Variants in CSMD1 observed in about 807,000 individuals in gnomAD.
The protein encoded by CSMD1 is CUB and Sushi multiple domains 1.
Under a neutral mutation model 417.5 loss-of-function variants are expected in CSMD1, and 213 were observed. The ratio of observed to expected loss-of-function variants is 0.51; its 90% CI spans 0.46 to 0.57. CSMD1 has a LOEUF of 0.57. CSMD1 is among the 20% of genes least tolerant of loss of function. The pLI is 0.00. For synonymous variants in CSMD1, 2,862 were observed against 1,736.8 expected, an observed-to-expected ratio of 1.65 and a Z score of -16.11; for missense variants, 6,923 against 4,529.7, an observed-to-expected ratio of 1.53 and a Z score of -15.17.
At chr8:4,094,452 A>C (rs181550052) in intron 3 of CSMD1, among the ~76,000 whole-genome samples, 1 of 152,244 alleles carries the variant, frequency 6.6e-6, no homozygotes, top group Admixed American at 6.5e-5. Context: ...GAAGTGAGGT[A>C]GAGGGAGGAA....
At chr8:4,188,689 A>G (rs898900404) in intron 3 of CSMD1, among the ~76,000 whole-genome samples, 1 of 152,172 alleles carries the variant, frequency 6.6e-6, no homozygotes, top group Admixed American at 6.5e-5. Context: ...TAACCTTTAT[A>G]AAAAAGAGGA....
At chr8:4,778,960 T>C (rs1797012135) in intron 1 of CSMD1, among the ~76,000 whole-genome samples, 1 of 152,212 alleles carries the variant, frequency 6.6e-6, no homozygotes, top group Non-Finnish European at 1.5e-5. Context: ...GCCATAATGT[T>C]AAGAATGTTT....
intron 5 of CSMD1, among the ~76,000 whole-genome samples, chr8:3,967,976 G>C (rs1446192553): frequency 1.4e-5 from 2 of 145,512 alleles, no homozygotes; most frequent in African/African-American, 2.6e-5. Flanking sequence ...GACCATCCTG[G>C]CCAACACGGT....
At chr8:3,386,712 T>C (rs182574935) in intron 18 of CSMD1, among the ~76,000 whole-genome samples, 1 of 152,330 alleles carries the variant, frequency 6.6e-6, no homozygotes, top group African/African-American at 2.4e-5. Flanking sequence ...GGAACACTGT[T>C]TTCCATAGAA....
intron 8 of CSMD1, among the ~76,000 whole-genome samples, chr8:3,611,772 A>G (rs1254459178): frequency 6.6e-6 from 1 of 152,136 alleles, no homozygotes; most frequent in African/African-American, 2.4e-5. Flanking sequence ...GAAAGAACTC[A>G]TAACTCGATG....
chr8:4,938,872 T>C (rs929573291), intron 1 of CSMD1, among the ~76,000 whole-genome samples: 2 of 152,234 alleles, frequency 1.3e-5, no homozygotes, highest in African/African-American at 4.8e-5. Context: ...GTGGTTTTAA[T>C]TTGCATTTTC....
chr8:3,625,484 G>A (rs1010925374), intron 7 of CSMD1, among the ~76,000 whole-genome samples: 3 of 152,060 alleles, frequency 2.0e-5, no homozygotes, highest in Admixed American at 6.6e-5. Context: ...ACAAGGGGTT[G>A]ATCACCTATT....
At chr8:4,324,197 CTG>C (rs1481957810) in intron 3 of CSMD1, among the ~76,000 whole-genome samples, 11 of 152,330 alleles carry the variant, frequency 7.2e-5, no homozygotes, top group African/African-American at 2.6e-4. Flanking sequence ...ACAAAGTAAA[CTG>C]TGTCATCGGA....
chr8:4,300,380 A>AT (rs1797914960), intron 3 of CSMD1, among the ~76,000 whole-genome samples: 1 of 152,176 alleles, frequency 6.6e-6, no homozygotes, highest in Non-Finnish European at 1.5e-5. Flanking sequence ...ATTTCTCAAT[A>AT]TATGCTCCAT....
intron 1 of CSMD1, among the ~76,000 whole-genome samples, chr8:4,970,850 T>C (rs2117380640): frequency 6.6e-6 from 1 of 152,088 alleles, no homozygotes; most frequent in East Asian, 1.9e-4. Context: ...GTATGGTAGA[T>C]TTTGAAAATT....
intron 2 of CSMD1, among the ~76,000 whole-genome samples, chr8:4,437,097 A>C (rs894796167): frequency 3.9e-5 from 6 of 152,178 alleles, no homozygotes; most frequent in African/African-American, 1.4e-4. Flanking sequence ...TTCCGAAAAA[A>C]TGAATCCTAC....
chr8:4,281,129 G>T (rs1796758467), intron 3 of CSMD1, among the ~76,000 whole-genome samples: 1 of 152,176 alleles, frequency 6.6e-6, no homozygotes, highest in African/African-American at 2.4e-5. Context: ...GCCCCTAGGT[G>T]GCACTCAGCC....
intron 18 of CSMD1, among the ~76,000 whole-genome samples, chr8:3,376,370 T>A (rs1810301455): frequency 1.3e-5 from 2 of 152,202 alleles, no homozygotes; most frequent in South Asian, 4.1e-4. Context: ...AGGAAAGCAT[T>A]GATTATATCT....
intron 1 of CSMD1, among the ~76,000 whole-genome samples, chr8:4,742,351 C>A (rs929394469): frequency 1.3e-5 from 2 of 151,812 alleles, no homozygotes; most frequent in Non-Finnish European, 2.9e-5. Flanking sequence ...TTGAGAAGCA[C>A]ATCTCTAAGC....
At chr8:3,299,659 A>C (rs1242382788) in intron 25 of CSMD1, among the ~76,000 whole-genome samples, 1 of 152,176 alleles carries the variant, frequency 6.6e-6, no homozygotes, top group Non-Finnish European at 1.5e-5. Context: ...GCAGGAAAGG[A>C]ATCCAGGGAA....
chr8:4,786,790 C>A (rs1209125076), intron 1 of CSMD1, among the ~76,000 whole-genome samples: 2 of 151,976 alleles, frequency 1.3e-5, no homozygotes, highest in African/African-American at 2.4e-5. Flanking sequence ...AGCATGCATA[C>A]ATAGATTTGT....
chr8:4,813,944 G>A (rs1432826514), intron 1 of CSMD1, among the ~76,000 whole-genome samples: 1 of 151,978 alleles, frequency 6.6e-6, no homozygotes. Context: ...ATACATTTTT[G>A]ATTAATTATT....
intron 12 of CSMD1, among the ~76,000 whole-genome samples, chr8:3,449,179 G>C (rs1378751597): frequency 2.6e-5 from 4 of 152,152 alleles, no homozygotes; most frequent in African/African-American, 9.7e-5. Flanking sequence ...TTGGTGGGGG[G>C]AATCAGTTCT....
chr8:3,466,182 T>C (rs1030921673), intron 12 of CSMD1, among the ~76,000 whole-genome samples: 2 of 152,082 alleles, frequency 1.3e-5, no homozygotes, highest in Non-Finnish European at 1.5e-5. Flanking sequence ...AATAAAATTA[T>C]GAAGCAGTTG....
Sources: allele counts gnomAD v4.1 joint callset (sites outside exome capture counted in the v4.1 genomes callset), GRCh38; gene constraint gnomAD v4.1.1; transcripts MANE v1.5; gene names NCBI Gene and HGNC (gene_info 2026-07-23, HGNC 2026-07-21).